The following ABAT variants were observed in gnomAD, a reference collection of about 807,000 sequenced individuals.
ABAT encodes 4-aminobutyrate aminotransferase, mitochondrial.
Under a neutral mutation model 64.6 loss-of-function variants are expected in ABAT, and 45 were observed. That is an observed-to-expected ratio of 0.70 (90% CI 0.55 to 0.89). The LOEUF is 0.89. Ranked by LOEUF, ABAT falls within the 40% of genes least tolerant of loss-of-function variation. The pLI, the probability that ABAT is intolerant of heterozygous loss-of-function variation, is 0.00. For synonymous variants in ABAT, 297 were observed against 250.5 expected (o/e 1.19, Z -1.75); for missense variants, 633 against 658.4 (o/e 0.96, Z 0.42).
intron 1 of ABAT, among the ~76,000 whole-genome samples, chr16:8,680,094 A>G (rs1354570540): frequency 6.6e-6 from 1 of 150,926 alleles, no homozygotes; most frequent in South Asian, 2.1e-4. Flanking sequence ...ACCCTCCCCC[A>G]CCTCCAGCCA....
intron 1 of ABAT, among the ~76,000 whole-genome samples, chr16:8,726,482 G>T (rs8056020): frequency 0.71 from 107,066 of 151,614 alleles, 38,817 homozygotes; most frequent in Non-Finnish European, 0.8. Flanking sequence ...TGGCCTCATG[G>T]GATCCACCTG....
chr16:8,720,076 G>A (rs1025635894), intron 1 of ABAT, among the ~76,000 whole-genome samples: 3 of 152,180 alleles, frequency 2.0e-5, no homozygotes, highest in Admixed American at 1.3e-4. Context: ...GCCTCCCAAA[G>A]TGCTAGGATT....
chr16:8,778,730 T>C (rs2060340584), intron 14 of ABAT, among the ~76,000 whole-genome samples: 1 of 149,964 alleles, frequency 6.7e-6, no homozygotes, highest in Non-Finnish European at 1.5e-5. Flanking sequence ...TGAGCCGAGA[T>C]AGTGCCACTG....
chr16:8,748,198 C>A, intron 4 of ABAT, 61 bp downstream of exon 4: 1 of 1,478,516 alleles, frequency 6.8e-7, no homozygotes, highest in Non-Finnish European at 9.5e-7. Flanking sequence ...AGCTAAAAGA[C>A]AGATGCTTAA....
chr16:8,726,824 C>T (rs1762342708), intron 1 of ABAT, among the ~76,000 whole-genome samples: 1 of 152,184 alleles, frequency 6.6e-6, no homozygotes. Flanking sequence ...TACAAGGGTT[C>T]CCTTTGCTCC....
At chr16:8,677,277 T>G (rs1386589062) in intron 1 of ABAT, among the ~76,000 whole-genome samples, 3 of 152,206 alleles carry the variant, frequency 2.0e-5, no homozygotes, top group Non-Finnish European at 4.4e-5. Flanking sequence ...GCTTATGCCT[T>G]AAGGCAAAAC....
intron 1 of ABAT, among the ~76,000 whole-genome samples, chr16:8,701,143 G>A (rs532508733): frequency 1.3e-5 from 2 of 152,122 alleles, no homozygotes; most frequent in East Asian, 3.9e-4. Flanking sequence ...TCACCCTGTT[G>A]GCCAGGCTGC....
intron 5 of ABAT, among the ~76,000 whole-genome samples, chr16:8,751,248 C>G (rs1014708293): frequency 6.6e-6 from 1 of 152,060 alleles, no homozygotes; most frequent in African/African-American, 2.4e-5. Context: ...TATACCCAGC[C>G]TAATTTTTTT....
intron 1 of ABAT, among the ~76,000 whole-genome samples, chr16:8,704,777 A>G (rs1258424634): frequency 1.3e-5 from 2 of 152,134 alleles, no homozygotes; most frequent in Non-Finnish European, 2.9e-5. Flanking sequence ...TTGTACCACA[A>G]CTTATTTGAG....
intron 1 of ABAT, among the ~76,000 whole-genome samples, chr16:8,732,196 GT>G (rs746087281): frequency 0.16 from 3,056 of 18,728 alleles, 140 homozygotes; most frequent in African/African-American, 0.23. Flanking sequence ...GGTTTTTTTT[GT>G]TTTTTTTTTT....
chr16:8,772,448 C>T (rs1460806945), intron 11 of ABAT, among the ~76,000 whole-genome samples: 1 of 152,182 alleles, frequency 6.6e-6, no homozygotes, highest in Non-Finnish European at 1.5e-5. Context: ...ACTCATAGTG[C>T]TATATTTTCT....
Position 8,781,553 on chromosome 16 carries a change from T to C in ABAT, c.*123T>C. On this transcript the variant is annotated 3_prime_UTR_variant, in exon 16 of 16. Coordinates refer to ENST00000268251, the MANE Select transcript of ABAT (RefSeq NM_020686.6). The surrounding 1 kb of genome is among the most constrained non-coding windows in gnomAD (Gnocchi z 4.5). ...TGAATGCACAGTGAAGGGTGATTTGTGGGGAGGGAGCATTTTTGGTGGTCT... is the reference window on the plus strand; with the variant it reads ...TGAATGCACAGTGAAGGGTGATTTGCGGGGAGGGAGCATTTTTGGTGGTCT... 6.1e-6 allele frequency: 6 copies of C among 980,772 alleles called. No individual in the cohort carries two copies. The highest frequency in any genetic ancestry group is 2.9e-5 in the South Asian group (2 of 70,034). The allele number at this position is 980,772 out of a possible 1,614,324, so 60.8% of individuals were successfully genotyped here.
At chr16:8,738,623 TTTTTG>T (rs2059061005) in intron 2 of ABAT, among the ~76,000 whole-genome samples, 1 of 114,144 alleles carries the variant, frequency 8.8e-6, no homozygotes. Context: ...TTTGTTTTTG[TTTTTG>T]TTTTTTTTTT....
intron 8 of ABAT, among the ~76,000 whole-genome samples, chr16:8,765,416 C>T (rs1034205583): frequency 6.6e-6 from 1 of 151,912 alleles, no homozygotes; most frequent in Non-Finnish European, 1.5e-5. Flanking sequence ...GTAATCCCAG[C>T]ACTTCGGGAG....
At chr16:8,745,597 T>G (rs1040445484) in intron 2 of ABAT, among the ~76,000 whole-genome samples, 1 of 152,054 alleles carries the variant, frequency 6.6e-6, no homozygotes, top group Non-Finnish European at 1.5e-5. Context: ...CTCAGGAGGC[T>G]GAGGCAGAAG....
At chr16:8,734,264 T>C (rs2058846834) in intron 1 of ABAT, among the ~76,000 whole-genome samples, 2 of 152,212 alleles carry the variant, frequency 1.3e-5, no homozygotes, top group African/African-American at 4.8e-5. Context: ...GATGCCCTTG[T>C]TTATGTTATG....
intron 1 of ABAT, among the ~76,000 whole-genome samples, chr16:8,726,570 A>G (rs2058563669): frequency 6.6e-6 from 1 of 152,070 alleles, no homozygotes; most frequent in Non-Finnish European, 1.5e-5. Flanking sequence ...TATGAACCAC[A>G]TTTTCTTTAT....
chr16:8,741,365 C>CT (rs2059157689), intron 2 of ABAT, among the ~76,000 whole-genome samples: 6 of 152,228 alleles, frequency 3.9e-5, no homozygotes, highest in Non-Finnish European at 8.8e-5. Context: ...CAGTTCCATT[C>CT]ATAGCTTCTA....
intron 6 of ABAT, among the ~76,000 whole-genome samples, chr16:8,762,503 C>G (rs1344455434): frequency 6.6e-6 from 1 of 152,200 alleles, no homozygotes; most frequent in African/African-American, 2.4e-5. Context: ...TAAGCCAAAG[C>G]CAATTATCTT....
Sources: gnomAD v4.1 joint callset for allele counts (sites outside exome capture counted in the v4.1 genomes callset) on GRCh38, gnomAD v4.1.1 for gene constraint, Gnocchi (gnomAD v3.1) non-coding constraint, MANE v1.5 for transcripts, NCBI Gene and HGNC (gene_info 2026-07-23, HGNC 2026-07-21) for gene names.